Variants in GPC6 observed in about 807,000 individuals in gnomAD.
The protein encoded by GPC6 is glypican 6.
In GPC6, 14 loss-of-function variants were observed where a neutral mutation model predicts 55.2. The ratio of observed to expected loss-of-function variants is 0.25; its 90% CI spans 0.17 to 0.40. The LOEUF (loss-of-function observed/expected upper bound fraction) is 0.40, where lower values mean the gene tolerates loss of function less well. Among genes scored for constraint, GPC6 ranks in the 10% least tolerant of loss-of-function variants. GPC6 has a pLI of 1.00. For missense variants in GPC6, 641 were observed against 708.5 expected, an observed-to-expected ratio of 0.90 and a Z score of 1.08; for synonymous variants, 278 against 259.6, an observed-to-expected ratio of 1.07 and a Z score of -0.68.
intron 4 of GPC6, among the ~76,000 whole-genome samples, chr13:94,049,454 C>A (rs1454252452): frequency 6.6e-6 from 1 of 152,048 alleles, no homozygotes; most frequent in Non-Finnish European, 1.5e-5. Context: ...GCCTCAGATA[C>A]CTGGGACCTG....
At chr13:94,142,598 G>A (rs1335452419) in intron 4 of GPC6, among the ~76,000 whole-genome samples, 1 of 152,056 alleles carries the variant, frequency 6.6e-6, no homozygotes, top group Non-Finnish European at 1.5e-5. Flanking sequence ...GCTAAATGTA[G>A]CTGAATGGAT....
chr13:93,553,449 T>A (rs1875271350), intron 2 of GPC6, among the ~76,000 whole-genome samples: 1 of 151,694 alleles, frequency 6.6e-6, no homozygotes, highest in Non-Finnish European at 1.5e-5. Context: ...TCCCAGCACT[T>A]TAGGAGGCCG....
chr13:93,913,065 G>A (rs751091824), intron 3 of GPC6, among the ~76,000 whole-genome samples: 2 of 152,044 alleles, frequency 1.3e-5, no homozygotes, highest in African/African-American at 2.4e-5. Context: ...CTTAATTTAT[G>A]GACTTCAGCA....
intron 4 of GPC6, among the ~76,000 whole-genome samples, chr13:94,219,079 G>T (rs748702181): frequency 1.3e-5 from 2 of 152,124 alleles, no homozygotes; most frequent in Non-Finnish European, 2.9e-5. Context: ...CTGTGTATTG[G>T]TGTCTTTAAC....
chr13:94,281,191 T>A (rs1043573666), intron 4 of GPC6, among the ~76,000 whole-genome samples: 2 of 152,216 alleles, frequency 1.3e-5, no homozygotes, highest in African/African-American at 4.8e-5. Flanking sequence ...GTAAATTTTT[T>A]AAATTTTACT....
intron 4 of GPC6, among the ~76,000 whole-genome samples, chr13:94,228,296 T>C (rs1425813897): frequency 6.6e-6 from 1 of 152,140 alleles, no homozygotes; most frequent in East Asian, 1.9e-4. Context: ...AGGAGGTCCC[T>C]TATGATTTGG....
intron 4 of GPC6, among the ~76,000 whole-genome samples, chr13:94,279,682 C>T (rs1250214947): frequency 1.3e-5 from 2 of 152,036 alleles, no homozygotes; most frequent in African/African-American, 4.8e-5. Flanking sequence ...TTGATTTCTG[C>T]CTTAATTTCA....
chr13:93,410,026 A>G (rs150794365), intron 1 of GPC6, among the ~76,000 whole-genome samples: 107 of 152,310 alleles, frequency 7.0e-4, no homozygotes, highest in African/African-American at 2.0e-3. Flanking sequence ...AGACTGGCCT[A>G]CATCCAAAGC....
chr13:93,931,228 A>C (rs1302440769), intron 3 of GPC6, among the ~76,000 whole-genome samples: 3 of 152,078 alleles, frequency 2.0e-5, no homozygotes, highest in African/African-American at 4.8e-5. Context: ...AATTGTTCAG[A>C]TTTGCAGTGA....
chr13:93,338,121 T>A (rs1057377860), intron 1 of GPC6, among the ~76,000 whole-genome samples: 8 of 152,246 alleles, frequency 5.3e-5, no homozygotes, highest in African/African-American at 1.9e-4. Context: ...TGTTTTCTTC[T>A]TCCTTTTCTC....
chr13:93,304,801 T>C (rs1019575849), intron 1 of GPC6, among the ~76,000 whole-genome samples: 1 of 151,880 alleles, frequency 6.6e-6, no homozygotes, highest in Non-Finnish European at 1.5e-5. Flanking sequence ...ATATTTAGGG[T>C]TGGGGGATGA....
chr13:93,860,919 A>C (rs964390987), intron 3 of GPC6, among the ~76,000 whole-genome samples: 2 of 151,654 alleles, frequency 1.3e-5, no homozygotes, highest in Non-Finnish European at 1.5e-5. Flanking sequence ...TATCATTAAA[A>C]GGGTGGGCTC....
At chr13:94,314,726 C>T (rs1436421963) in intron 6 of GPC6, among the ~76,000 whole-genome samples, 2 of 152,148 alleles carry the variant, frequency 1.3e-5, no homozygotes, top group African/African-American at 4.8e-5. Context: ...ACCACAACTC[C>T]CAAATGTGAT....
intron 4 of GPC6, among the ~76,000 whole-genome samples, chr13:94,041,954 T>C (rs2138740737): frequency 6.6e-6 from 1 of 152,042 alleles, no homozygotes. Flanking sequence ...ATGATATGGT[T>C]TGGATTTGTG....
At chr13:94,028,720 G>A (rs1883000459) in intron 4 of GPC6, among the ~76,000 whole-genome samples, 2 of 152,156 alleles carry the variant, frequency 1.3e-5, no homozygotes, top group Non-Finnish European at 1.5e-5. Context: ...TAGAGGGCAG[G>A]AGGCAGGGAG....
intron 2 of GPC6, among the ~76,000 whole-genome samples, chr13:93,667,239 A>G (rs1881174492): frequency 6.6e-6 from 1 of 152,166 alleles, no homozygotes; most frequent in Non-Finnish European, 1.5e-5. Context: ...CAGAAGAGGT[A>G]AAATTTTTTT....
At chr13:93,653,770 C>A (rs1481204105) in intron 2 of GPC6, among the ~76,000 whole-genome samples, 1 of 152,074 alleles carries the variant, frequency 6.6e-6, no homozygotes, top group Admixed American at 6.6e-5. Flanking sequence ...GAAATCCAGA[C>A]TCCTTTAGGA....
chr13:93,578,140 A>G (rs1876754078), intron 2 of GPC6, among the ~76,000 whole-genome samples: 4 of 152,022 alleles, frequency 2.6e-5, no homozygotes, highest in Admixed American at 6.6e-5. Context: ...ATGTTCATCA[A>G]TAATATTGGC....
intron 6 of GPC6, among the ~76,000 whole-genome samples, chr13:94,347,581 A>G (rs966656284): frequency 6.6e-6 from 1 of 152,236 alleles, no homozygotes; most frequent in Admixed American, 6.5e-5. Context: ...TAAATCACCT[A>G]TAGACAGAAA....
Sources: allele counts gnomAD v4.1 joint callset (sites outside exome capture counted in the v4.1 genomes callset), GRCh38; gene constraint gnomAD v4.1.1; transcripts MANE v1.5; gene names NCBI Gene and HGNC (gene_info 2026-07-23, HGNC 2026-07-21).